The following DOCK1 variants were observed in gnomAD, a reference collection of about 807,000 sequenced individuals.
The protein encoded by DOCK1 is dedicator of cytokinesis 1, also known as dedicator of cytokinesis protein 1.
A neutral mutation model predicts 262.7 loss-of-function variants in DOCK1; 138 were observed. The ratio of observed to expected loss-of-function variants is 0.53; its 90% CI spans 0.46 to 0.61. DOCK1 has a LOEUF of 0.61. Among genes scored for constraint, DOCK1 ranks in the 20% least tolerant of loss-of-function variants. The probability of loss-of-function intolerance (pLI) is 0.00; values close to 1 mark genes in which losing one functional copy is unlikely to be tolerated. For synonymous variants in DOCK1, 866 were observed against 867.4 expected (o/e 1.00, Z 0.03); for missense variants, 1,908 against 2,370.7 (o/e 0.80, Z 4.05).
chr10:127,300,584 A>G (rs1338958052), intron 29 of DOCK1, among the ~76,000 whole-genome samples: 1 of 152,214 alleles, frequency 6.6e-6, no homozygotes. Context: ...AAATGTTACC[A>G]GTCATGCTAG....
At chr10:127,046,647 G>C (rs1322491968) in intron 21 of DOCK1, among the ~76,000 whole-genome samples, 4 of 149,984 alleles carry the variant, frequency 2.7e-5, no homozygotes, top group Non-Finnish European at 5.9e-5. Context: ...TGTAATCCCA[G>C]CTAATCAGAA....
chr10:127,241,990 G>C (rs1260564737), intron 27 of DOCK1, among the ~76,000 whole-genome samples: 2 of 152,102 alleles, frequency 1.3e-5, no homozygotes, highest in African/African-American at 4.8e-5. Flanking sequence ...GCACCCTCCA[G>C]TTTCTGGGCC....
chr10:127,249,469 G>A (rs1041031682), intron 28 of DOCK1, among the ~76,000 whole-genome samples: 5 of 150,498 alleles, frequency 3.3e-5, no homozygotes, highest in Non-Finnish European at 5.9e-5. Context: ...ACACGCAGTC[G>A]TGTGTTGCTT....
intron 23 of DOCK1, 94 bp from the exon 24 acceptor site, chr10:127,106,137 A>G (rs2048515315): frequency 1.6e-6 from 2 of 1,248,516 alleles, no homozygotes; most frequent in African/African-American, 3.0e-5. Context: ...TTCTCTTCTC[A>G]GTATTTCTGC....
intron 27 of DOCK1, among the ~76,000 whole-genome samples, chr10:127,209,377 G>A (rs371205108): frequency 6.6e-6 from 1 of 152,176 alleles, no homozygotes; most frequent in Admixed American, 6.5e-5. Context: ...AACCTCATCC[G>A]AGACTGGAGA....
intron 1 of DOCK1, among the ~76,000 whole-genome samples, chr10:126,951,338 G>A (rs1188614329): frequency 1.3e-5 from 2 of 151,572 alleles, no homozygotes; most frequent in African/African-American, 4.8e-5. Context: ...GGTGATAGTG[G>A]TGATGGTAGT....
chr10:127,284,944 G>A (rs1459502380), intron 29 of DOCK1, among the ~76,000 whole-genome samples: 1 of 152,072 alleles, frequency 6.6e-6, no homozygotes, highest in African/African-American at 2.4e-5. Flanking sequence ...ACTAGACTGG[G>A]CAATATAGTC....
chr10:127,056,185 G>A (rs2045129249), intron 22 of DOCK1, among the ~76,000 whole-genome samples: 1 of 151,356 alleles, frequency 6.6e-6, no homozygotes, highest in African/African-American at 2.4e-5. Flanking sequence ...TGATGCTGCT[G>A]CTGCTGCTCC....
chr10:127,184,939 AAAC>A (rs1231023580), intron 27 of DOCK1, among the ~76,000 whole-genome samples: 5 of 152,166 alleles, frequency 3.3e-5, no homozygotes, highest in African/African-American at 1.2e-4. Context: ...ACACAGGAAA[AAAC>A]AAGGCATACT....
At chr10:127,267,959 G>A (rs759601911) in intron 29 of DOCK1, among the ~76,000 whole-genome samples, 5 of 152,102 alleles carry the variant, frequency 3.3e-5, no homozygotes, top group East Asian at 1.9e-4. Flanking sequence ...TGTGTCTTCC[G>A]TGTCTTTTTG....
At chr10:127,349,265 A>G (rs964968306) in intron 31 of DOCK1, among the ~76,000 whole-genome samples, 2 of 151,954 alleles carry the variant, frequency 1.3e-5, no homozygotes, top group Non-Finnish European at 1.5e-5. Flanking sequence ...AACCTCAGCC[A>G]GGTCCTGGCT....
At chr10:127,356,514 T>C (rs992053067) in intron 32 of DOCK1, among the ~76,000 whole-genome samples, 1 of 152,186 alleles carries the variant, frequency 6.6e-6, no homozygotes, top group Admixed American at 6.5e-5. Flanking sequence ...CTGTGTTCTT[T>C]GTTAAAATCC....
intron 2 of DOCK1, among the ~76,000 whole-genome samples, chr10:126,974,763 T>C (rs2038388752): frequency 6.6e-6 from 1 of 152,064 alleles, no homozygotes; most frequent in East Asian, 1.9e-4. Context: ...TCTGAGCTCA[T>C]GGAGGACAGA....
At chr10:127,440,824 A>G (rs530913950) in intron 49 of DOCK1, among the ~76,000 whole-genome samples, 90 of 152,292 alleles carry the variant, frequency 5.9e-4, no homozygotes, top group African/African-American at 2.1e-3. Flanking sequence ...CCAGGGGGGC[A>G]CTGGCTGGAG....
rs562946737 is a variant in DOCK1 at position 127,176,632 on chromosome 10, C to T, written c.2847+48868C>T. Among the ~76,000 whole-genome samples, 67 of 152,326 alleles carry T rather than the reference C, an allele frequency of 4.4e-4. No individual in the cohort carries two copies. Among genetic ancestry groups the T allele is most frequent in the African/African-American group, 1.4e-3 (57 of 41,568 alleles). On this transcript the variant is annotated intron_variant, in intron 27 of 51. Transcript: ENST00000623213. The surrounding 1 kb of genome is among the most constrained non-coding windows in gnomAD (Gnocchi z 4.4). ...CTTGCTTTTCCAGGTGGGATACACT[C>T]GCTTTCCTTTTGACAGTAATGCATG...
intron 15 of DOCK1, 115 bp downstream of exon 15, chr10:127,024,898 G>T (rs2042720199): frequency 2.4e-6 from 2 of 819,998 alleles, no homozygotes; most frequent in South Asian, 2.2e-5. Context: ...GGCAGGCAGA[G>T]TGTCTCCCAA....
intron 23 of DOCK1, among the ~76,000 whole-genome samples, chr10:127,094,717 A>C (rs1222178022): frequency 6.6e-6 from 1 of 152,242 alleles, no homozygotes; most frequent in Admixed American, 6.5e-5. Context: ...CAGATTATTC[A>C]GACCATGAAT....
intron 29 of DOCK1, among the ~76,000 whole-genome samples, chr10:127,321,365 AT>A (rs113267450): frequency 3.1e-4 from 40 of 127,202 alleles, no homozygotes; most frequent in Middle Eastern, 4.1e-3. Context: ...TCTCTAGCTC[AT>A]TTTTTTTTTC....
At chr10:127,105,510 TC>T (rs2048479704) in intron 23 of DOCK1, among the ~76,000 whole-genome samples, 1 of 152,196 alleles carries the variant, frequency 6.6e-6, no homozygotes, top group Non-Finnish European at 1.5e-5. Flanking sequence ...TTGACTTTAA[TC>T]ATTGAATGTA....
Sources: allele counts gnomAD v4.1 joint callset (sites outside exome capture counted in the v4.1 genomes callset), GRCh38; gene constraint gnomAD v4.1.1; non-coding constraint Gnocchi (gnomAD v3.1); transcripts MANE v1.5; gene names NCBI Gene and HGNC (gene_info 2026-07-23, HGNC 2026-07-21).